The following STAU2 variants were observed in gnomAD, a reference collection of about 807,000 sequenced individuals.
STAU2 encodes double-stranded RNA-binding protein Staufen homolog 2.
STAU2 carries 20 observed loss-of-function variants against 65.9 expected under a neutral mutation model. That is an observed-to-expected ratio of 0.30 (90% CI 0.21 to 0.44). STAU2 has a LOEUF of 0.44. Among genes scored for constraint, STAU2 ranks in the 20% least tolerant of loss-of-function variants. The pLI is 1.00. For missense variants in STAU2, 558 were observed against 683.9 expected (o/e 0.82, Z 2.05); for synonymous variants, 232 against 233.9 (o/e 0.99, Z 0.07).
At chr8:73,688,506 GT>G in intron 5 of STAU2, 147 bp downstream of exon 5, 1 of 662,760 alleles carries the variant, frequency 1.5e-6, no homozygotes, top group Non-Finnish European at 2.5e-6. Context: ...GTGTGTGTGT[GT>G]GTGTGTGTGT....
At chr8:73,550,758 T>C in intron 13 of STAU2, 1 of 987,480 alleles carries the variant, frequency 1.0e-6, no homozygotes, top group African/African-American at 1.7e-5. Context: ...AGCCGATAAC[T>C]GGTAACAGCT....
intron 13 of STAU2, among the ~76,000 whole-genome samples, chr8:73,530,730 T>A (rs1476335129): frequency 6.6e-6 from 1 of 152,076 alleles, no homozygotes; most frequent in Non-Finnish European, 1.5e-5. Context: ...AGGTAGGTAG[T>A]GTACCTGAAA....
At chr8:73,708,916 AG>A (rs1292892907) in intron 4 of STAU2, 115 bp downstream of exon 4, 1 of 942,590 alleles carries the variant, frequency 1.1e-6, no homozygotes, top group African/African-American at 1.7e-5. Context: ...TAGAACTAAA[AG>A]CCTTCAAGCC....
intron 13 of STAU2, among the ~76,000 whole-genome samples, chr8:73,446,228 A>G (rs1818459124): frequency 6.6e-6 from 1 of 152,242 alleles, no homozygotes; most frequent in African/African-American, 2.4e-5. Context: ...TAACATTTTT[A>G]TAATGATAAA....
intron 13 of STAU2, among the ~76,000 whole-genome samples, chr8:73,458,237 C>T (rs1480922955): frequency 1.3e-5 from 2 of 152,182 alleles, no homozygotes; most frequent in East Asian, 3.8e-4. Context: ...TTGGTTTTCA[C>T]CATTATGATT....
chr8:73,589,894 G>A (rs1182815618), intron 11 of STAU2, among the ~76,000 whole-genome samples: 1 of 151,962 alleles, frequency 6.6e-6, no homozygotes, highest in Non-Finnish European at 1.5e-5. Context: ...AGATGAGGAT[G>A]AGGATGAGGA....
intron 3 of STAU2, among the ~76,000 whole-genome samples, chr8:73,729,822 C>T (rs1191245900): frequency 6.6e-6 from 1 of 152,180 alleles, no homozygotes; most frequent in Non-Finnish European, 1.5e-5. Context: ...CTAATCTGTG[C>T]ATAAAATTGC....
chr8:73,533,546 T>C (rs1030218999), intron 13 of STAU2, among the ~76,000 whole-genome samples: 1 of 152,202 alleles, frequency 6.6e-6, no homozygotes, highest in Non-Finnish European at 1.5e-5. Flanking sequence ...AAGACTTCCT[T>C]TTTTCTGAAG....
At chr8:73,660,519 T>C (rs1431496511) in intron 6 of STAU2, among the ~76,000 whole-genome samples, 2 of 152,188 alleles carry the variant, frequency 1.3e-5, no homozygotes, top group Non-Finnish European at 2.9e-5. Flanking sequence ...TCTATCATGG[T>C]AAATGTATTA....
chr8:73,700,455 T>C (rs955232699), intron 4 of STAU2, among the ~76,000 whole-genome samples: 2 of 152,014 alleles, frequency 1.3e-5, no homozygotes, highest in African/African-American at 2.4e-5. Context: ...TTAGAACAGA[T>C]AAACAAATTT....
At chr8:73,496,104 A>G (rs2128917730) in intron 13 of STAU2, among the ~76,000 whole-genome samples, 1 of 151,642 alleles carries the variant, frequency 6.6e-6, no homozygotes, top group African/African-American at 2.4e-5. Flanking sequence ...TAGAGAGATG[A>G]GGTGAACAAA....
chr8:73,577,612 T>C (rs1214249475), intron 12 of STAU2, among the ~76,000 whole-genome samples: 1 of 152,134 alleles, frequency 6.6e-6, no homozygotes, highest in African/African-American at 2.4e-5. Flanking sequence ...TTCCGTATGT[T>C]TTAGCCAAGC....
chr8:73,434,943 TTGG>T (rs1400080581), intron 13 of STAU2, among the ~76,000 whole-genome samples: 2 of 151,876 alleles, frequency 1.3e-5, no homozygotes, highest in Admixed American at 6.5e-5. Flanking sequence ...AAGGCCCCCA[TTGG>T]CTGGCCCCAT....
intron 12 of STAU2, among the ~76,000 whole-genome samples, chr8:73,556,650 G>T (rs1807794724): frequency 6.6e-6 from 1 of 152,118 alleles, no homozygotes; most frequent in Non-Finnish European, 1.5e-5. Context: ...CCAGCTACTT[G>T]GGAGGCTGAG....
chr8:73,545,952 G>C (rs1192035413), intron 13 of STAU2, among the ~76,000 whole-genome samples: 2 of 151,206 alleles, frequency 1.3e-5, no homozygotes, highest in African/African-American at 4.9e-5. Flanking sequence ...TGGCCCTATT[G>C]ATTTTTTTGA....
At chr8:73,641,595 A>T (rs1486539041) in intron 6 of STAU2, among the ~76,000 whole-genome samples, 1 of 152,174 alleles carries the variant, frequency 6.6e-6, no homozygotes, top group Non-Finnish European at 1.5e-5. Context: ...TCTATGGCCA[A>T]TTGAGTCTGA....
At chr8:73,635,548 C>T (rs552502499) in intron 6 of STAU2, among the ~76,000 whole-genome samples, 1 of 152,146 alleles carries the variant, frequency 6.6e-6, no homozygotes, top group South Asian at 2.1e-4. Flanking sequence ...AATCTGAGGC[C>T]GAGGGCGGTG....
chr8:73,503,083 C>T (rs1258140436), intron 13 of STAU2, among the ~76,000 whole-genome samples: 1 of 152,050 alleles, frequency 6.6e-6, no homozygotes, highest in East Asian at 1.9e-4. Context: ...AGAGATCAAC[C>T]TCATGCATAA....
At chr8:73,603,394 A>C (rs1319678313) in intron 10 of STAU2, among the ~76,000 whole-genome samples, 2 of 152,158 alleles carry the variant, frequency 1.3e-5, no homozygotes, top group Admixed American at 6.5e-5. Context: ...TTTGTTTCTA[A>C]TTCCATGTGT....
Sources: allele counts gnomAD v4.1 joint callset (sites outside exome capture counted in the v4.1 genomes callset), GRCh38; gene constraint gnomAD v4.1.1; transcripts MANE v1.5; gene names NCBI Gene and HGNC (gene_info 2026-07-23, HGNC 2026-07-21).